PDZRN3: variants seen among roughly 807,000 people sequenced by gnomAD.
PDZRN3 encodes the protein E3 ubiquitin-protein ligase PDZRN3.
Under a neutral mutation model 85.7 loss-of-function variants are expected in PDZRN3, and 38 were observed. That is an observed-to-expected ratio of 0.44 (90% CI 0.34 to 0.58). The LOEUF is 0.58. Among genes scored for constraint, PDZRN3 ranks in the 20% least tolerant of loss-of-function variants. PDZRN3 has a pLI of 0.01. For synonymous variants in PDZRN3, 759 were observed against 638.0 expected, an observed-to-expected ratio of 1.19 and a Z score of -2.86; for missense variants, 1,629 against 1,506.4, an observed-to-expected ratio of 1.08 and a Z score of -1.35.
chr3:73,552,530 G>A (rs1363126843), intron 3 of PDZRN3, among the ~76,000 whole-genome samples: 1 of 152,156 alleles, frequency 6.6e-6, no homozygotes, highest in East Asian at 1.9e-4. Context: ...TTTATGGTGT[G>A]TATGAGGTTT....
At chr3:73,473,878 C>A (rs1396463539) in intron 3 of PDZRN3, among the ~76,000 whole-genome samples, 3 of 152,162 alleles carry the variant, frequency 2.0e-5, no homozygotes, top group Non-Finnish European at 2.9e-5. Flanking sequence ...TGAAACAGAA[C>A]CACTCGGGTG....
At chr3:73,529,106 C>T (rs114104533) in intron 3 of PDZRN3, among the ~76,000 whole-genome samples, 240 of 152,050 alleles carry the variant, frequency 1.6e-3, no homozygotes, top group African/African-American at 5.7e-3. Flanking sequence ...GATTTGGAAC[C>T]GGGGTCCATG....
chr3:73,586,737 A>G (rs753222646), intron 3 of PDZRN3, among the ~76,000 whole-genome samples: 34 of 152,160 alleles, frequency 2.2e-4, no homozygotes, highest in Admixed American at 6.5e-4. Flanking sequence ...CCCATCAAAC[A>G]TCAAGCTGAT....
At chr3:73,514,425 T>C (rs1029725832) in intron 3 of PDZRN3, among the ~76,000 whole-genome samples, 1 of 152,210 alleles carries the variant, frequency 6.6e-6, no homozygotes, top group African/African-American at 2.4e-5. Flanking sequence ...ATAAAAGGGC[T>C]GGGCTGGAAG....
chr3:73,406,874 A>G (rs1701865502), intron 3 of PDZRN3, among the ~76,000 whole-genome samples: 1 of 152,216 alleles, frequency 6.6e-6, no homozygotes, highest in Non-Finnish European at 1.5e-5. Flanking sequence ...AAAGGAACCT[A>G]TGAGTTTACA....
In PDZRN3 at chr3:73,393,345, T is replaced by C. The variant is rs555068195; in HGVS notation, c.1255-2229A>G. ...TCTACAGTTCTACTGGACTTTCTACTACTACTACTACTACTACTGCTACTC... is the reference window on the plus strand; with the variant it reads ...TCTACAGTTCTACTGGACTTTCTACCACTACTACTACTACTACTGCTACTC... On this transcript the variant is annotated intron_variant, in intron 5 of 9. Coordinates refer to ENST00000263666, the MANE Select transcript of PDZRN3 (RefSeq NM_015009.3). Among the ~76,000 whole-genome samples the C allele has an allele frequency of 2.6e-5, 4 of 151,946 alleles. No individual in the cohort carries two copies. In the South Asian group the frequency reaches 8.3e-4, roughly 32 times the overall value.
At chr3:73,405,410 G>T (rs1575627513) in intron 3 of PDZRN3, among the ~76,000 whole-genome samples, 2 of 152,196 alleles carry the variant, frequency 1.3e-5, no homozygotes, top group East Asian at 3.8e-4. Context: ...ACTATGTTCA[G>T]GTGGTTATAT....
At chr3:73,503,713 C>G (rs1704022260) in intron 3 of PDZRN3, among the ~76,000 whole-genome samples, 1 of 140,174 alleles carries the variant, frequency 7.1e-6, no homozygotes, top group South Asian at 2.2e-4. Context: ...CTGAACTCAA[C>G]TCTCTCAGTG....
intron 3 of PDZRN3, among the ~76,000 whole-genome samples, chr3:73,563,323 C>T (rs1264990950): frequency 1.3e-5 from 2 of 151,698 alleles, no homozygotes; most frequent in African/African-American, 4.8e-5. Flanking sequence ...GTGTGAGCCA[C>T]TGTGCCCAGC....
intron 3 of PDZRN3, among the ~76,000 whole-genome samples, chr3:73,537,966 T>A (rs1168011463): frequency 6.6e-6 from 1 of 152,100 alleles, no homozygotes; most frequent in East Asian, 1.9e-4. Context: ...AGGCCTTTTT[T>A]CCAGGTATCA....
intron 5 of PDZRN3, among the ~76,000 whole-genome samples, 168 bp from the exon 6 acceptor site, chr3:73,391,284 C>T (rs372992089): frequency 2.0e-5 from 3 of 152,248 alleles, no homozygotes; most frequent in Non-Finnish European, 4.4e-5. Context: ...GACACAGGAT[C>T]AATGCCTACG....
rs144888731 is a variant in PDZRN3 at position 73,428,878 on chromosome 3, A to G, written c.919-24483T>C. Among the ~76,000 whole-genome samples the G allele has an allele frequency of 3.7e-3, 561 of 151,562 alleles. 6 individuals carry two copies. Among genetic ancestry groups the G allele is most frequent in the African/African-American group, 0.012 (501 of 41,126 alleles). On this transcript the variant is annotated intron_variant, in intron 3 of 9. Transcript: ENST00000263666. The stretch of plus-strand genomic sequence containing the variant: ...AAAGGGCCCTGTTTGTCAAGGTGGG[A>G]GGAGAAGATGGGCTTGTTTTTTTTT...
intron 3 of PDZRN3, chr3:73,569,333 T>G (rs1441956530): frequency 1.6e-6 from 2 of 1,219,894 alleles, no homozygotes; most frequent in Non-Finnish European, 2.1e-6. Flanking sequence ...ACCAGGAGAA[T>G]AAGCAGGTTA....
At chr3:73,520,683 C>T (rs538604159) in intron 3 of PDZRN3, among the ~76,000 whole-genome samples, 63 of 152,106 alleles carry the variant, frequency 4.1e-4, no homozygotes, top group East Asian at 3.1e-3. Flanking sequence ...ACATTACATG[C>T]GTGTCTGTAC....
rs1412659930 is a variant in PDZRN3, at chr3:73,384,859, G to A, written c.1707C>T (p.Ser569=). 3.7e-6 allele frequency: 6 copies of A among 1,613,968 alleles called. No homozygotes were observed. Among genetic ancestry groups the A allele is most frequent in the African/African-American group, 1.3e-5 (1 of 74,946 alleles). The stretch of plus-strand genomic sequence containing the variant: ...TGCTCTCGTCGGTCCGCCCCACACC[G>A]CTGTCCTTCTCGTGCTGGTTGGACA... ...TILSNQHEKD[S]GVGRTDESTR... Residue 569 remains serine, a synonymous_variant, in exon 10 of 10, where the codon AGC becomes AGT. Coordinates refer to ENST00000263666, the MANE Select transcript of PDZRN3 (RefSeq NM_015009.3).
intron 3 of PDZRN3, among the ~76,000 whole-genome samples, chr3:73,535,737 T>C (rs1704768628): frequency 6.6e-6 from 1 of 152,224 alleles, no homozygotes; most frequent in South Asian, 2.1e-4. Context: ...ACTGTCATTC[T>C]CCAGTCCTCT....
chr3:73,529,570 T>C (rs559111531), intron 3 of PDZRN3, among the ~76,000 whole-genome samples: 5 of 152,354 alleles, frequency 3.3e-5, no homozygotes, highest in Admixed American at 2.0e-4. Flanking sequence ...CAGCAAGTAC[T>C]GGCTTTCTAT....
At chr3:73,429,157 C>T in intron 3 of PDZRN3, among the ~76,000 whole-genome samples, 1 of 152,146 alleles carries the variant, frequency 6.6e-6, no homozygotes, top group East Asian at 1.9e-4. Context: ...GCAATCCTCC[C>T]ACCTCAGCCT....
At chr3:73,409,566 G>GAATCACTT (rs1452521521) in intron 3 of PDZRN3, among the ~76,000 whole-genome samples, 4 of 152,120 alleles carry the variant, frequency 2.6e-5, no homozygotes, top group African/African-American at 9.7e-5. Flanking sequence ...CAACACATGG[G>GAATCACTT]AATCACTTAA....
Sources: allele counts gnomAD v4.1 joint callset (sites outside exome capture counted in the v4.1 genomes callset), GRCh38; gene constraint gnomAD v4.1.1; transcripts MANE v1.5; gene names NCBI Gene and HGNC (gene_info 2026-07-23, HGNC 2026-07-21).